The following AKT3 variants were observed in gnomAD, a reference collection of about 807,000 sequenced individuals.
The protein encoded by AKT3 is RAC-gamma serine/threonine-protein kinase.
In AKT3, 15 loss-of-function variants were observed where a neutral mutation model predicts 65.3. The ratio of observed to expected loss-of-function variants is 0.23; its 90% CI spans 0.15 to 0.35. AKT3 has a LOEUF of 0.35. Ranked by LOEUF, AKT3 falls within the 10% of genes least tolerant of loss-of-function variation. AKT3 has a pLI of 1.00. For synonymous variants in AKT3, 206 were observed against 183.8 expected (o/e 1.12, Z -0.98); for missense variants, 243 against 576.5 (o/e 0.42, Z 5.92).
intron 2 of AKT3, among the ~76,000 whole-genome samples, chr1:243,816,618 A>G (rs960743138): frequency 4.6e-5 from 7 of 152,244 alleles, no homozygotes; most frequent in Admixed American, 3.9e-4. Context: ...AAGATAAGAA[A>G]AGCATACAGG....
chr1:243,799,593 C>T (rs1451515404), intron 2 of AKT3, among the ~76,000 whole-genome samples: 1 of 152,100 alleles, frequency 6.6e-6, no homozygotes, highest in Non-Finnish European at 1.5e-5. Context: ...GAAGTTAAGA[C>T]TCAACATGAA....
chr1:243,671,879 T>A (rs1414167548), intron 3 of AKT3, among the ~76,000 whole-genome samples: 1 of 152,162 alleles, frequency 6.6e-6, no homozygotes, highest in Non-Finnish European at 1.5e-5. Flanking sequence ...TCTATCTCAA[T>A]CCCAATCCCA....
At chr1:243,649,305 A>ATG (rs1362423834) in intron 4 of AKT3, among the ~76,000 whole-genome samples, 101 of 102,576 alleles carry the variant, frequency 9.8e-4, no homozygotes, top group Non-Finnish European at 7.1e-4. Flanking sequence ...AGAATATGTT[A>ATG]TGTGTATATG....
At chr1:243,652,451 C>T (rs1158887523) in intron 4 of AKT3, among the ~76,000 whole-genome samples, 6 of 152,006 alleles carry the variant, frequency 3.9e-5, no homozygotes, top group Non-Finnish European at 8.8e-5. Context: ...CTACAGGGCA[C>T]TAAACACGCA....
chr1:243,665,446 T>C (rs180987275), intron 3 of AKT3, among the ~76,000 whole-genome samples: 81 of 152,304 alleles, frequency 5.3e-4, no homozygotes, highest in Admixed American at 1.0e-3. Context: ...TTTGACAATA[T>C]AAACTGCCTG....
At position 243,505,245 on chromosome 1, in the gene AKT3, A is replaced by AG. The variant is rs769005975; in HGVS notation, c.*3dup. On this transcript the variant is annotated 3_prime_UTR_variant, in exon 14 of 14. Coordinates refer to ENST00000673466, the MANE Select transcript of AKT3 (RefSeq NM_005465.7). ...TGACAGTGAAGTAGCAGAATGAAAG[A>AG]GACTTATTCTCGTCCACTTGCAGAG... is the stretch of plus-strand genomic sequence containing the variant. 2 of 1,611,176 alleles carry AG rather than the reference A, an allele frequency of 1.2e-6. No individual in the cohort carries two copies. The highest frequency in any genetic ancestry group is 4.5e-5 in the East Asian group (2 of 44,876).
At chr1:243,644,921 AAACAAAC>A (rs1680691819) in intron 5 of AKT3, among the ~76,000 whole-genome samples, 1 of 152,170 alleles carries the variant, frequency 6.6e-6, no homozygotes, top group African/African-American at 2.4e-5. Flanking sequence ...TCAGTTCAAC[AAACAAAC>A]AGAGTAGAAA....
At chr1:243,786,647 CA>C (rs1273881547) in intron 2 of AKT3, among the ~76,000 whole-genome samples, 2 of 151,836 alleles carry the variant, frequency 1.3e-5, no homozygotes, top group Admixed American at 6.6e-5. Context: ...AAAAGTAAAC[CA>C]GTCAATCATG....
intron 2 of AKT3, among the ~76,000 whole-genome samples, chr1:243,760,108 C>T (rs946850429): frequency 4.6e-5 from 7 of 151,984 alleles, no homozygotes; most frequent in African/African-American, 1.7e-4. Flanking sequence ...ATGAAGATAA[C>T]TTTACTCAAG....
At chr1:243,741,339 T>C (rs1688143302) in intron 2 of AKT3, among the ~76,000 whole-genome samples, 1 of 152,228 alleles carries the variant, frequency 6.6e-6, no homozygotes, top group African/African-American at 2.4e-5. Flanking sequence ...GTAACACTAA[T>C]AAATAATTAT....
At chr1:243,525,359 T>A (rs1558587506) in intron 12 of AKT3, among the ~76,000 whole-genome samples, 1 of 151,744 alleles carries the variant, frequency 6.6e-6, no homozygotes, top group Non-Finnish European at 1.5e-5. Context: ...CCAAAATGAC[T>A]CAGCATTAAA....
At chr1:243,561,480 C>A (rs1186089740) in intron 10 of AKT3, among the ~76,000 whole-genome samples, 1 of 152,108 alleles carries the variant, frequency 6.6e-6, no homozygotes, top group Non-Finnish European at 1.5e-5. Flanking sequence ...ACACTTCTAC[C>A]ACCTCTTAGC....
intron 3 of AKT3, among the ~76,000 whole-genome samples, chr1:243,670,906 CAT>C (rs1172588093): frequency 6.6e-6 from 1 of 152,046 alleles, no homozygotes. Context: ...GAGACTGCAA[CAT>C]GTCAGACCAA....
intron 8 of AKT3, among the ~76,000 whole-genome samples, chr1:243,577,161 G>C (rs149653491): frequency 3.9e-4 from 60 of 152,144 alleles, no homozygotes; most frequent in African/African-American, 1.4e-3. Context: ...TTGATTGAAT[G>C]ATTGAGACAG....
intron 10 of AKT3, among the ~76,000 whole-genome samples, chr1:243,556,945 TTCTC>T (rs1673449765): frequency 6.6e-6 from 1 of 152,166 alleles, no homozygotes. Flanking sequence ...TTATAACTAT[TTCTC>T]AACTGCTTTA....
At chr1:243,659,449 T>A (rs1392284956) in intron 4 of AKT3, among the ~76,000 whole-genome samples, 1 of 143,596 alleles carries the variant, frequency 7.0e-6, no homozygotes, top group Non-Finnish European at 1.6e-5. Flanking sequence ...AATGCACTAA[T>A]GTAGCTAAGA....
intron 2 of AKT3, among the ~76,000 whole-genome samples, chr1:243,699,511 A>ATATATATATATATATG (rs1685301766): frequency 1.5e-4 from 17 of 113,140 alleles, no homozygotes; most frequent in African/African-American, 4.5e-4. Flanking sequence ...ATATATATAT[A>ATATATATATATATATG]TAATCTTCAT....
At chr1:243,643,376 T>A (rs1558678253) in intron 5 of AKT3, among the ~76,000 whole-genome samples, 1 of 152,202 alleles carries the variant, frequency 6.6e-6, no homozygotes, top group Non-Finnish European at 1.5e-5. Context: ...TTAAGCAGAA[T>A]TTTGACTCTC....
chr1:243,687,619 T>C (rs1456860239), intron 3 of AKT3: 1 of 152,098 alleles, frequency 6.6e-6, no homozygotes, highest in African/African-American at 2.4e-5. Flanking sequence ...TTTCTGTTTT[T>C]TTTTTCTTTC....
Sources: allele counts gnomAD v4.1 joint callset (sites outside exome capture counted in the v4.1 genomes callset), GRCh38; gene constraint gnomAD v4.1.1; transcripts MANE v1.5; gene names NCBI Gene and HGNC (gene_info 2026-07-23, HGNC 2026-07-21).